PTPRK: variants seen among roughly 807,000 people sequenced by gnomAD.
PTPRK encodes receptor-type tyrosine-protein phosphatase kappa.
Under a neutral mutation model 178.0 loss-of-function variants are expected in PTPRK, and 75 were observed. The observed-to-expected ratio is 0.42, with a 90% CI of 0.35 to 0.51. PTPRK has a LOEUF of 0.51. PTPRK is among the 20% of genes least tolerant of loss of function. PTPRK has a pLI of 0.02. For missense variants in PTPRK, 1,441 were observed against 1,797.8 expected (o/e 0.80, Z 3.59); for synonymous variants, 637 against 620.6 (o/e 1.03, Z -0.39).
chr6:128,274,840 A>C (rs1820459491), intron 3 of PTPRK, among the ~76,000 whole-genome samples: 1 of 151,972 alleles, frequency 6.6e-6, no homozygotes, highest in Non-Finnish European at 1.5e-5. Flanking sequence ...TCAGAAGACA[A>C]ATTTCTGGCC....
intron 3 of PTPRK, among the ~76,000 whole-genome samples, chr6:128,299,108 C>A (rs1187042116): frequency 6.6e-6 from 1 of 152,160 alleles, no homozygotes; most frequent in Non-Finnish European, 1.5e-5. Flanking sequence ...CATGAGTGAA[C>A]TCCCAATCAC....
intron 3 of PTPRK, among the ~76,000 whole-genome samples, chr6:128,287,395 T>C (rs531345218): frequency 6.6e-6 from 1 of 152,204 alleles, no homozygotes; most frequent in Non-Finnish European, 1.5e-5. Flanking sequence ...CTCTGTTTCA[T>C]GTATTCCACA....
rs553711183 is a variant in PTPRK at position 128,125,859 on chromosome 6, C to T, written c.1163-35867G>A. On this transcript the variant is annotated intron_variant, in intron 7 of 29. Coordinates refer to ENST00000368226, the MANE Select transcript of PTPRK (RefSeq NM_002844.4). ...CCCTGACCTCATGATCCACCCAGTT[C>T]GGCCTTCCAAAGTGCTGGGATTACA... Among the ~76,000 whole-genome samples, 10 of 151,998 alleles carry T rather than the reference C, an allele frequency of 6.6e-5. No individual in the cohort carries two copies. The East Asian group carries it at 7.7e-4, about 12-fold the overall frequency.
chr6:128,261,788 G>T (rs1451301693), intron 3 of PTPRK, among the ~76,000 whole-genome samples: 2 of 152,120 alleles, frequency 1.3e-5, no homozygotes, highest in African/African-American at 2.4e-5. Flanking sequence ...TGACAAATTT[G>T]GGCAATAGCT....
At chr6:128,194,515 A>G (rs577233295) in intron 6 of PTPRK, among the ~76,000 whole-genome samples, 2 of 152,142 alleles carry the variant, frequency 1.3e-5, no homozygotes, top group Non-Finnish European at 2.9e-5. Context: ...AATACAGAAG[A>G]TTTTTCTCAT....
At chr6:128,251,028 T>G (rs1015643018) in intron 3 of PTPRK, among the ~76,000 whole-genome samples, 8 of 152,210 alleles carry the variant, frequency 5.3e-5, no homozygotes, top group African/African-American at 1.9e-4. Flanking sequence ...TATTGACTCA[T>G]GTAATAGTCC....
chr6:128,476,179 C>G (rs1428799852), intron 1 of PTPRK, among the ~76,000 whole-genome samples: 1 of 151,968 alleles, frequency 6.6e-6, no homozygotes, highest in Admixed American at 6.6e-5. Context: ...CACTTTTCCC[C>G]TCATATCAAG....
intron 2 of PTPRK, among the ~76,000 whole-genome samples, chr6:128,326,270 G>A (rs1829549141): frequency 6.6e-6 from 1 of 152,102 alleles, no homozygotes; most frequent in East Asian, 1.9e-4. Context: ...TAACAAACCT[G>A]CACATTCTGC....
intron 3 of PTPRK, among the ~76,000 whole-genome samples, chr6:128,288,765 T>C (rs1245348870): frequency 6.6e-6 from 1 of 152,142 alleles, no homozygotes; most frequent in Non-Finnish European, 1.5e-5. Context: ...CTTCACACTC[T>C]ATAGTCAGTT....
At position 128,064,758 on chromosome 6, in the gene PTPRK, C is replaced by A. The variant is rs773892380; in HGVS notation, c.2194G>T (p.Ala732Ser). Residue 732 changes from alanine (A) to serine (S), a missense_variant and splice_region_variant, in exon 13 of 30, where the codon GCA becomes TCA. Physicochemically the swap from Ala to Ser is moderately conservative, Grantham distance 99 (BLOSUM62 1). Coordinates refer to ENST00000368226, the MANE Select transcript of PTPRK (RefSeq NM_002844.4). ...KTQCVRIATK[A>S]AATEEPEVIP... ...CAAGCAAAAAAAGCAAACCTCTTAC[C>A]TTTTGTAGCAATGCGTACGCACTGG... The A allele has an allele frequency of 6.3e-7, 1 of 1,586,238 alleles. No individual in the cohort carries two copies. Among genetic ancestry groups the A allele is most frequent in the Non-Finnish European group, 8.5e-7 (1 of 1,172,188 alleles).
At chr6:127,976,629 C>A (rs1360736319) in intron 27 of PTPRK, 28 bp downstream of exon 27, 2 of 1,613,210 alleles carry the variant, frequency 1.2e-6, no homozygotes, top group Admixed American at 3.3e-5. Context: ...TATTCTAGAT[C>A]AGCTCAAAGG....
chr6:127,995,575 T>C (rs201474367), intron 17 of PTPRK, 37 bp from the exon 18 acceptor site: 2 of 1,310,420 alleles, frequency 1.5e-6, no homozygotes, highest in Non-Finnish European at 2.1e-6. Flanking sequence ...GCTGTTAAAT[T>C]TTCCCCCTGT....
intron 13 of PTPRK, among the ~76,000 whole-genome samples, chr6:128,024,224 C>T (rs938016912): frequency 2.0e-5 from 3 of 152,116 alleles, no homozygotes; most frequent in Non-Finnish European, 4.4e-5. Context: ...GCTCTGTAAA[C>T]ATCTGGACAA....
intron 21 of PTPRK, 47 bp from the exon 22 acceptor site, chr6:127,985,922 C>A (rs1355757491): frequency 1.3e-6 from 2 of 1,564,302 alleles, no homozygotes; most frequent in Non-Finnish European, 1.7e-6. Flanking sequence ...TTTTAATGGC[C>A]AAAATAAAGC....
intron 11 of PTPRK, among the ~76,000 whole-genome samples, chr6:128,069,814 A>G (rs1393085517): frequency 6.6e-6 from 1 of 152,130 alleles, no homozygotes; most frequent in Non-Finnish European, 1.5e-5. Flanking sequence ...AGGATACTTC[A>G]TGCAAGACAG....
chr6:128,409,639 T>C (rs1842075472), intron 1 of PTPRK, among the ~76,000 whole-genome samples: 1 of 152,236 alleles, frequency 6.6e-6, no homozygotes, highest in Non-Finnish European at 1.5e-5. Flanking sequence ...TACATGTTGA[T>C]ATGGTTTGGC....
At chr6:128,104,852 A>C (rs565330297) in intron 7 of PTPRK, among the ~76,000 whole-genome samples, 3 of 152,348 alleles carry the variant, frequency 2.0e-5, no homozygotes, top group African/African-American at 7.2e-5. Context: ...AAAATGTCAA[A>C]TTACTTGGTG....
chr6:128,493,376 C>T (rs529677071), intron 1 of PTPRK, among the ~76,000 whole-genome samples: 73 of 152,030 alleles, frequency 4.8e-4, no homozygotes, highest in Non-Finnish European at 1.0e-3. Flanking sequence ...TCCTGGCTAA[C>T]ACAGTGAAAC....
chr6:128,199,665 A>G (rs938111901), intron 6 of PTPRK, among the ~76,000 whole-genome samples: 1 of 152,100 alleles, frequency 6.6e-6, no homozygotes, highest in Non-Finnish European at 1.5e-5. Flanking sequence ...AACTCCCACA[A>G]GGGCCAACCC....
Sources: gnomAD v4.1 joint callset for allele counts (sites outside exome capture counted in the v4.1 genomes callset) on GRCh38, gnomAD v4.1.1 for gene constraint, MANE v1.5 for transcripts, NCBI Gene and HGNC (gene_info 2026-07-23, HGNC 2026-07-21) for gene names.